WDR33: variants seen among roughly 807,000 people sequenced by gnomAD.
WDR33 encodes WD repeat domain 33.
A neutral mutation model predicts 164.9 loss-of-function variants in WDR33; 47 were observed. That is an observed-to-expected ratio of 0.29 (90% CI 0.23 to 0.36). WDR33 has a LOEUF of 0.36. Among genes scored for constraint, WDR33 ranks in the 10% least tolerant of loss-of-function variants. The pLI, the probability that WDR33 is intolerant of heterozygous loss-of-function variation, is 1.00. For synonymous variants in WDR33, 505 were observed against 589.0 expected (o/e 0.86, Z 2.06); for missense variants, 1,137 against 1,754.1 (o/e 0.65, Z 6.28).
At position 127,701,654 on chromosome 2, in the gene WDR33, G is replaced by A. The variant is rs1368953630; in HGVS notation, c.*4669C>T. 3 of 1,297,552 alleles carry A rather than the reference G, an allele frequency of 2.3e-6. No homozygotes were observed. In the East Asian group the frequency reaches 9.4e-5, roughly 41 times the overall value. 80.4% of individuals were successfully genotyped at this position (1,297,552 alleles called of 1,614,324 possible). On this transcript the variant is annotated 3_prime_UTR_variant, in exon 22 of 22. Coordinates refer to ENST00000322313, the MANE Select transcript of WDR33 (RefSeq NM_018383.5). Reference sequence around the variant, plus strand: ...AGCCCGGGGACCGGCCGGCGGAGGAGTGGCTGGGCCGCGCGGGCTTGCGCT... The same window carrying A: ...AGCCCGGGGACCGGCCGGCGGAGGAATGGCTGGGCCGCGCGGGCTTGCGCT...
intron 1 of WDR33, among the ~76,000 whole-genome samples, chr2:127,804,630 A>T (rs1689369071): frequency 6.6e-6 from 1 of 152,236 alleles, no homozygotes; most frequent in Non-Finnish European, 1.5e-5. Flanking sequence ...TAAAAAGTAC[A>T]TAGGAGTTCT....
chr2:127,791,029 C>T (rs748557049), intron 1 of WDR33, among the ~76,000 whole-genome samples: 1 of 151,970 alleles, frequency 6.6e-6, no homozygotes, highest in East Asian at 1.9e-4. Context: ...TCTCAACAGT[C>T]TGTCATTCTT....
intron 1 of WDR33, among the ~76,000 whole-genome samples, chr2:127,774,921 G>C (rs1240260917): frequency 6.6e-6 from 1 of 152,132 alleles, no homozygotes; most frequent in Non-Finnish European, 1.5e-5. Flanking sequence ...GAAAAATCCA[G>C]AACATGCTAA....
At position 127,708,560 on chromosome 2, in the gene WDR33, AT is replaced by A. The variant is rs1686070571; in HGVS notation, c.3781+116del. The A allele has an allele frequency of 8.4e-7, 1 of 1,191,500 alleles. No individual in the cohort carries two copies. The highest frequency in any genetic ancestry group is 2.4e-5 in the Admixed American group (1 of 40,848). The allele number at this position is 1,191,500 out of a possible 1,614,324, so 73.8% of individuals were successfully genotyped here. On this transcript the variant is annotated intron_variant, in intron 21 of 21. Transcript: ENST00000322313. This position sits in a 1 kb window ranked among gnomAD's most constrained non-coding sequence, Gnocchi z 6.7. ...ACAGCTCGTGTGGCACTGGCACCAC[AT>A]TTAGGAGCATGTGCCTCTGCACAGC... is the stretch of plus-strand genomic sequence containing the variant.
chr2:127,744,311 AC>A (rs1687107624), intron 7 of WDR33, among the ~76,000 whole-genome samples: 1 of 152,208 alleles, frequency 6.6e-6, no homozygotes, highest in Non-Finnish European at 1.5e-5. Context: ...AGCTTAGTGC[AC>A]AACTGTGTCT....
Position 127,741,122 on chromosome 2 carries a change from T to C in WDR33, c.725-14345A>G, listed in dbSNP as rs72968962. ...GTTGTCCCTCCTGACTTCCTGTTTC[T>C]GTAGAACAGATGCTCTCAGTCAGAC... On this transcript the variant is annotated intron_variant, in intron 7 of 21. Coordinates refer to ENST00000322313, the MANE Select transcript of WDR33 (RefSeq NM_018383.5). The surrounding 1 kb of genome is among the most constrained non-coding windows in gnomAD (Gnocchi z 4.1). Among the ~76,000 whole-genome samples the C allele has an allele frequency of 0.059, 8,945 of 152,300 alleles. 500 individuals are homozygous for C. Among genetic ancestry groups the C allele is most frequent in the African/African-American group, 0.15 (6,181 of 41,538 alleles).
chr2:127,781,490 G>A (rs1373825696), intron 1 of WDR33, among the ~76,000 whole-genome samples: 1 of 152,164 alleles, frequency 6.6e-6, no homozygotes, highest in East Asian at 1.9e-4. Flanking sequence ...AATAAGATCT[G>A]CAGACCATAT....
Position 127,719,798 on chromosome 2 carries a change from G to A in WDR33, c.2227C>T (p.Pro743Ser), listed in dbSNP as rs762176232. The A allele has an allele frequency of 1.9e-6, 3 of 1,613,788 alleles. No homozygotes were observed. Among genetic ancestry groups the A allele is most frequent in the South Asian group, 1.1e-5 (1 of 91,082 alleles). ...CCTTGCATTCCTCTGGGACCAGGTGGTCCCTGCATACCTTGAGTACCCGGA... is the reference window on the plus strand; with the variant it reads ...CCTTGCATTCCTCTGGGACCAGGTGATCCCTGCATACCTTGAGTACCCGGA... Reference protein sequence around the residue: ...GPPGTQGMQGPPGPRGMQGPP... With the variant: ...GPPGTQGMQGSPGPRGMQGPP... Residue 743 changes from proline (P) to serine (S), a missense_variant, in exon 16 of 22, where the codon CCA becomes TCA. Physicochemically the swap from Pro to Ser is moderately conservative, Grantham distance 74. This residue lies in a region of WDR33 where 867 missense variants were observed against 1,073.0 expected (regional missense o/e 0.81). Coordinates refer to ENST00000322313, the MANE Select transcript of WDR33 (RefSeq NM_018383.5). The surrounding 1 kb of genome is among the most constrained non-coding windows in gnomAD (Gnocchi z 6.5).
Position 127,714,028 on chromosome 2 carries a change from G to A in WDR33, c.2870-7C>T. Reference sequence around the variant, plus strand: ...GGAGGGCCGCGGGAGTCACCTAAAGGAAACAAAGCTGACTTTTACCATGTC... The same window carrying A: ...GGAGGGCCGCGGGAGTCACCTAAAGAAAACAAAGCTGACTTTTACCATGTC... On this transcript the variant is annotated splice_polypyrimidine_tract_variant and splice_region_variant and intron_variant, in intron 17 of 21. Transcript: ENST00000322313. This position sits in a 1 kb window ranked among gnomAD's most constrained non-coding sequence, Gnocchi z 4.3. 4 of 1,508,226 alleles carry A rather than the reference G, an allele frequency of 2.7e-6. No homozygotes were observed. In the South Asian group the frequency reaches 5.3e-5, roughly 20 times the overall value. The allele number at this position is 1,508,226 out of a possible 1,614,324, so 93.4% of individuals were successfully genotyped here.
chr2:127,782,531 A>T (rs1173630556), intron 1 of WDR33, among the ~76,000 whole-genome samples: 2 of 152,170 alleles, frequency 1.3e-5, no homozygotes, highest in Non-Finnish European at 2.9e-5. Flanking sequence ...TGGGGGAAGC[A>T]GCTTCCACTC....
intron 1 of WDR33, among the ~76,000 whole-genome samples, chr2:127,803,744 T>C (rs1689333884): frequency 6.6e-6 from 1 of 151,792 alleles, no homozygotes; most frequent in Non-Finnish European, 1.5e-5. Flanking sequence ...AATGGGAAGA[T>C]ACAAAAGGAA....
At position 127,763,058 on chromosome 2, in the gene WDR33, G is replaced by A. The variant is rs1310948243; in HGVS notation, c.724+4C>T. On this transcript the variant is annotated splice_donor_region_variant and intron_variant, in intron 7 of 21. Transcript: ENST00000322313. The surrounding 1 kb of genome is among the most constrained non-coding windows in gnomAD (Gnocchi z 4.5). Reference sequence around the variant, plus strand: ...ATTCCAATCAGTACTGTTAGTACACGTACCTCGGAGAATTCTTTCCTCATG... The same window carrying A: ...ATTCCAATCAGTACTGTTAGTACACATACCTCGGAGAATTCTTTCCTCATG... The A allele has an allele frequency of 4.3e-6, 7 of 1,613,818 alleles. No individual in the cohort carries two copies. The highest frequency in any genetic ancestry group is 2.2e-5 in the East Asian group (1 of 44,876).
rs1419790030 is a variant in WDR33, at chr2:127,701,914, G to C, written c.*4409C>G. The stretch of plus-strand genomic sequence containing the variant: ...GCGGGAAGCGCGCTGCTGCGGGGCG[G>C]CGCGGCGTGCGGACGCCTGCTGCGC... On this transcript the variant is annotated 3_prime_UTR_variant, in exon 22 of 22. Transcript: ENST00000322313. 9.7e-6 allele frequency: 14 copies of C among 1,446,656 alleles called. No individual in the cohort carries two copies. Among genetic ancestry groups the C allele is most frequent in the African/African-American group, 1.5e-5 (1 of 66,972 alleles). 89.6% of individuals were successfully genotyped at this position (1,446,656 alleles called of 1,614,324 possible). A position where few individuals can be genotyped will look rare whatever the true frequency, so the allele number is the denominator to read the frequency against.
intron 1 of WDR33, among the ~76,000 whole-genome samples, chr2:127,809,072 T>C (rs1034021108): frequency 6.6e-6 from 1 of 151,240 alleles, no homozygotes; most frequent in Non-Finnish European, 1.5e-5. Context: ...GAAACACATT[T>C]ATAAGTGAAA....
rs1362397868 is a variant in WDR33, at chr2:127,750,708, ATATATG to A, written c.724+12348_724+12353del. On this transcript the variant is annotated intron_variant, in intron 7 of 21. Transcript: ENST00000322313. ...TATATATATATATATATATATATAT[ATATATG>A]TATGTATGCATACATATATATGTAT... 6.7e-3 allele frequency among the ~76,000 whole-genome samples: 406 copies of A among 60,892 alleles called. 2 individuals carry two copies. Among genetic ancestry groups the A allele is most frequent in the Middle Eastern group, 0.03 (3 of 100 alleles). 39.9% of individuals were successfully genotyped at this position (60,892 alleles called of 152,430 possible).
chr2:127,707,243 AAAG>A (rs1246857567), intron 21 of WDR33, among the ~76,000 whole-genome samples: 7 of 151,630 alleles, frequency 4.6e-5, no homozygotes, highest in East Asian at 1.9e-4. Context: ...AAAAAAAAAA[AAAG>A]AAAAAAAAGA....
At chr2:127,796,821 T>C (rs1689057839) in intron 1 of WDR33, among the ~76,000 whole-genome samples, 1 of 152,106 alleles carries the variant, frequency 6.6e-6, no homozygotes, top group Non-Finnish European at 1.5e-5. Context: ...GTACACATTC[T>C]GGTTGTTTGA....
intron 7 of WDR33, among the ~76,000 whole-genome samples, chr2:127,740,396 C>G (rs569417799): frequency 6.6e-6 from 1 of 151,952 alleles, no homozygotes; most frequent in Non-Finnish European, 1.5e-5. Context: ...TCTACACACA[C>G]GCACACATAC....
intron 1 of WDR33, among the ~76,000 whole-genome samples, chr2:127,788,612 C>T (rs1381955348): frequency 0.043 from 4,603 of 105,820 alleles, 1 homozygote; most frequent in African/African-American, 0.062. Flanking sequence ...CAGAGGCACC[C>T]CTCACCTCCC....
Sources: allele counts gnomAD v4.1 joint callset (sites outside exome capture counted in the v4.1 genomes callset), GRCh38; gene constraint gnomAD v4.1.1; regional missense constraint gnomAD v4.1.1; non-coding constraint Gnocchi (gnomAD v3.1); transcripts MANE v1.5; gene names NCBI Gene and HGNC (gene_info 2026-07-23, HGNC 2026-07-21).